Variants in ICA1 observed in about 807,000 individuals in gnomAD.
The protein encoded by ICA1 is islet cell autoantigen 1.
In ICA1, 40 loss-of-function variants were observed where a neutral mutation model predicts 71.0. The ratio of observed to expected loss-of-function variants is 0.56; its 90% CI spans 0.44 to 0.73. ICA1 has a LOEUF of 0.73. Ranked by LOEUF, ICA1 falls within the 30% of genes least tolerant of loss-of-function variation. ICA1 has a pLI of 0.00. For missense variants in ICA1, 578 were observed against 576.5 expected (o/e 1.00, Z -0.03); for synonymous variants, 207 against 209.5 (o/e 0.99, Z 0.10).
At chr7:8,162,368 C>T (rs930740566) in intron 6 of ICA1, among the ~76,000 whole-genome samples, 3 of 152,236 alleles carry the variant, frequency 2.0e-5, no homozygotes, top group Non-Finnish European at 2.9e-5. Flanking sequence ...TTTCCAAATG[C>T]TGAGCCCTTT....
chr7:8,127,410 G>A (rs1362184441), intron 13 of ICA1, among the ~76,000 whole-genome samples: 1 of 152,122 alleles, frequency 6.6e-6, no homozygotes, highest in African/African-American at 2.4e-5. Context: ...GTCCTCAGGG[G>A]AGAGGTGGAT....
chr7:8,141,368 G>A (rs113468933), intron 10 of ICA1, among the ~76,000 whole-genome samples: 79 of 152,266 alleles, frequency 5.2e-4, no homozygotes, highest in African/African-American at 1.7e-3. Flanking sequence ...ACATCCACCC[G>A]CCCCACACAT....
intron 6 of ICA1, among the ~76,000 whole-genome samples, chr7:8,216,173 A>G (rs962619563): frequency 6.6e-6 from 1 of 152,224 alleles, no homozygotes; most frequent in African/African-American, 2.4e-5. Flanking sequence ...TGGGTGTGGC[A>G]CTTCCAAATC....
At chr7:8,199,795 A>G (rs1219075548) in intron 6 of ICA1, among the ~76,000 whole-genome samples, 3 of 152,192 alleles carry the variant, frequency 2.0e-5, no homozygotes, top group Non-Finnish European at 1.5e-5. Context: ...TGTTAAGTGA[A>G]ATAAGCCAGG....
intron 1 of ICA1, among the ~76,000 whole-genome samples, chr7:8,246,773 G>T (rs1308483853): frequency 6.6e-6 from 1 of 152,192 alleles, no homozygotes; most frequent in Non-Finnish European, 1.5e-5. Context: ...TTGAGACGGA[G>T]TCTCGCTCTG....
chr7:8,153,713 C>G (rs1219885335), intron 8 of ICA1, among the ~76,000 whole-genome samples: 3 of 152,040 alleles, frequency 2.0e-5, no homozygotes, highest in Middle Eastern at 6.8e-3. Context: ...ACCATGTTTT[C>G]AAGTTCTGGC....
intron 6 of ICA1, among the ~76,000 whole-genome samples, chr7:8,162,257 G>A (rs756396425): frequency 2.0e-5 from 3 of 152,134 alleles, no homozygotes; most frequent in Non-Finnish European, 2.9e-5. Flanking sequence ...GGTAATTTTA[G>A]AAACCTAGAA....
chr7:8,124,473 C>G (rs959443295), intron 13 of ICA1, among the ~76,000 whole-genome samples: 2 of 150,018 alleles, frequency 1.3e-5, no homozygotes, highest in African/African-American at 4.9e-5. Flanking sequence ...AAAAAAAACT[C>G]AAGCTAACAT....
intron 1 of ICA1, among the ~76,000 whole-genome samples, chr7:8,237,411 GAAC>G (rs1278265136): frequency 1.1e-4 from 16 of 152,308 alleles, no homozygotes; most frequent in Middle Eastern, 3.4e-3. Context: ...ATGTCACCAT[GAAC>G]TATTAGGATA....
In ICA1 at chr7:8,135,528, C is replaced by T. The variant is rs113945926; in HGVS notation, c.1060+3312G>A. ...TTTTTAGAACTTGCCACTTCGTATG[C>T]GAGGAAGCAGTCAGATCCCTAGTCA... On this transcript the variant is annotated intron_variant, in intron 12 of 13. Transcript: ENST00000402384. 6.6e-3 allele frequency among the ~76,000 whole-genome samples: 999 copies of T among 152,230 alleles called. 8 individuals carry two copies. Among genetic ancestry groups the T allele is most frequent in the African/African-American group, 0.02 (820 of 41,534 alleles).
intron 1 of ICA1, among the ~76,000 whole-genome samples, chr7:8,246,865 G>A (rs562918960): frequency 3.6e-4 from 55 of 152,274 alleles, no homozygotes; most frequent in African/African-American, 1.3e-3. Context: ...TCTTGCCTCA[G>A]CCTCCCGAGT....
At position 8,234,368 on chromosome 7, in the gene ICA1, T is replaced by C. The variant is rs2128467258; in HGVS notation, c.17+1542A>G. Among the ~76,000 whole-genome samples, 1 of 152,318 alleles carries C rather than the reference T, an allele frequency of 6.6e-6. No homozygotes were observed. Among genetic ancestry groups the C allele is most frequent in the Admixed American group, 6.5e-5 (1 of 15,302 alleles). Reference sequence around the variant, plus strand: ...CTCCCCTTGCTTCGTCCACATCCTCTTTGGACCTAGAGTCCCTGCCCCAAA... The same window carrying C: ...CTCCCCTTGCTTCGTCCACATCCTCCTTGGACCTAGAGTCCCTGCCCCAAA... On this transcript the variant is annotated intron_variant, in intron 2 of 13. Coordinates refer to ENST00000402384, the MANE Select transcript of ICA1 (RefSeq NM_001136020.3). This position sits in a 1 kb window ranked among gnomAD's most constrained non-coding sequence, Gnocchi z 4.5.
intron 6 of ICA1, among the ~76,000 whole-genome samples, chr7:8,168,214 C>T (rs1478613817): frequency 3.3e-5 from 5 of 152,096 alleles, no homozygotes; most frequent in Admixed American, 1.3e-4. Context: ...TTACTTTTGC[C>T]TGCTTAGCAA....
At chr7:8,210,056 G>A (rs1793110031) in intron 6 of ICA1, among the ~76,000 whole-genome samples, 1 of 152,196 alleles carries the variant, frequency 6.6e-6, no homozygotes, top group Non-Finnish European at 1.5e-5. Flanking sequence ...CCAAGGAAGG[G>A]CCACAGAAAG....
intron 6 of ICA1, among the ~76,000 whole-genome samples, chr7:8,201,562 G>A (rs1166922600): frequency 6.6e-6 from 1 of 152,156 alleles, no homozygotes; most frequent in Admixed American, 6.5e-5. Context: ...TCTGCAAGAG[G>A]GTTGCCTCTC....
At position 8,124,116 on chromosome 7, in the gene ICA1, T is replaced by A. The variant is rs983002174; in HGVS notation, c.1330+3757A>T. ...TAGATTCACTGAATCATACAATTTTTTTTTTTTTTTTTTTTTTTTTTTGAG... is the reference window on the plus strand; with the variant it reads ...TAGATTCACTGAATCATACAATTTTATTTTTTTTTTTTTTTTTTTTTTGAG... On this transcript the variant is annotated intron_variant, in intron 13 of 13. Coordinates refer to ENST00000402384, the MANE Select transcript of ICA1 (RefSeq NM_001136020.3). Among the ~76,000 whole-genome samples the A allele has an allele frequency of 5.8e-3, 804 of 139,406 alleles. 9 individuals carry two copies. Among genetic ancestry groups the A allele is most frequent in the African/African-American group, 0.02 (755 of 36,966 alleles). The allele number at this position is 139,406 out of a possible 152,430, so 91.5% of individuals were successfully genotyped here.
rs980565389 is a variant in ICA1, at chr7:8,132,173, C to G, written c.1061-4031G>C. 6.6e-6 allele frequency among the ~76,000 whole-genome samples: 1 copy of G among 152,226 alleles called. No homozygotes were observed. The highest frequency in any genetic ancestry group is 2.4e-5 in the African/African-American group (1 of 41,452). Reference sequence around the variant, plus strand: ...TCACATCCTCACCTGTCTCCAACTCCGTGACCTTGCAGGCATTGCCTCTCC... The same window carrying G: ...TCACATCCTCACCTGTCTCCAACTCGGTGACCTTGCAGGCATTGCCTCTCC... On this transcript the variant is annotated intron_variant, in intron 12 of 13. Coordinates refer to ENST00000402384, the MANE Select transcript of ICA1 (RefSeq NM_001136020.3). The surrounding 1 kb of genome is among the most constrained non-coding windows in gnomAD (Gnocchi z 4.5).
chr7:8,161,081 G>T (rs534514600), intron 6 of ICA1, among the ~76,000 whole-genome samples: 2 of 152,188 alleles, frequency 1.3e-5, no homozygotes, highest in Non-Finnish European at 2.9e-5. Flanking sequence ...ACACGTGGGA[G>T]TCGGAGCTTT....
At chr7:8,156,729 T>C (rs1801643000) in intron 8 of ICA1, 8 of 1,116,718 alleles carry the variant, frequency 7.2e-6, no homozygotes, top group Middle Eastern at 2.0e-4. Flanking sequence ...TTGAATATAA[T>C]AATTAAAAGT....
Sources: allele counts gnomAD v4.1 joint callset (sites outside exome capture counted in the v4.1 genomes callset), GRCh38; gene constraint gnomAD v4.1.1; non-coding constraint Gnocchi (gnomAD v3.1); transcripts MANE v1.5; gene names NCBI Gene and HGNC (gene_info 2026-07-23, HGNC 2026-07-21).